The following ZSCAN5A variants were observed in gnomAD, a reference collection of about 807,000 sequenced individuals.
ZSCAN5A encodes the protein zinc finger and SCAN domain-containing protein 5A.
In ZSCAN5A, 12 loss-of-function variants were observed where a neutral mutation model predicts 23.7. That is an observed-to-expected ratio of 0.51 (90% CI 0.32 to 0.82). ZSCAN5A has a LOEUF of 0.82. ZSCAN5A is among the 40% of genes least tolerant of loss of function. The probability of loss-of-function intolerance (pLI) is 0.03; values close to 1 mark genes in which losing one functional copy is unlikely to be tolerated. For synonymous variants in ZSCAN5A, 257 were observed against 239.9 expected, an observed-to-expected ratio of 1.07 and a Z score of -0.66; for missense variants, 597 against 617.9, an observed-to-expected ratio of 0.97 and a Z score of 0.36.
chr19:56,328,360 T>C (rs2041455821), intron 2 of ZSCAN5A, among the ~76,000 whole-genome samples: 1 of 152,102 alleles, frequency 6.6e-6, no homozygotes, highest in Non-Finnish European at 1.5e-5. Context: ...AAAAACATAT[T>C]TGTGGCCAGG....
chr19:56,347,678 A>C (rs1281405760), intron 2 of ZSCAN5A: 1 of 152,318 alleles, frequency 6.6e-6, no homozygotes, highest in African/African-American at 2.4e-5. Context: ...CTTATCCCGT[A>C]ATTCAGTTGA....
At chr19:56,368,130 T>A (rs997507052) in intron 1 of ZSCAN5A, 1 of 152,370 alleles carries the variant, frequency 6.6e-6, no homozygotes, top group African/African-American at 2.4e-5. Flanking sequence ...AACTCACGCC[T>A]ACGTACTCAG....
chr19:56,322,283 G>T, intron 2 of ZSCAN5A: 1 of 1,129,808 alleles, frequency 8.9e-7, no homozygotes. Context: ...AACAAGAATT[G>T]TCCCTTTCAC....
intron 2 of ZSCAN5A, among the ~76,000 whole-genome samples, chr19:56,299,368 A>T (rs1266739746): frequency 6.6e-6 from 1 of 152,046 alleles, no homozygotes; most frequent in Non-Finnish European, 1.5e-5. Flanking sequence ...CCTGGGCCCA[A>T]GTGAGCCTCC....
At chr19:56,295,884 A>G in intron 2 of ZSCAN5A, 1 of 153,442 alleles carries the variant, frequency 6.5e-6, no homozygotes, top group Non-Finnish European at 1.4e-5. Context: ...TGGGAACTCC[A>G]TACTCTGGGC....
At chr19:56,337,007 C>G (rs1310826684) in intron 2 of ZSCAN5A, among the ~76,000 whole-genome samples, 2 of 152,214 alleles carry the variant, frequency 1.3e-5, no homozygotes, top group African/African-American at 4.8e-5. Context: ...GGGGGTGCCT[C>G]CCAGTTAGGC....
intron 2 of ZSCAN5A, among the ~76,000 whole-genome samples, chr19:56,249,018 C>G (rs375775833): frequency 3.9e-5 from 6 of 152,070 alleles, no homozygotes; most frequent in African/African-American, 1.2e-4. Flanking sequence ...CTGCCCCCCC[C>G]GAATCCTCTC....
intron 2 of ZSCAN5A, among the ~76,000 whole-genome samples, chr19:56,328,158 T>C (rs2041453490): frequency 6.6e-6 from 1 of 152,134 alleles, no homozygotes; most frequent in Admixed American, 6.5e-5. Context: ...CTTAGGTGGA[T>C]GGGGATGTTT....
rs144497720 is a variant in ZSCAN5A, at chr19:56,325,918, T to C, written c.-357-9650A>G. On this transcript the variant is annotated intron_variant, in intron 2 of 6. Coordinates refer to the ZSCAN5A transcript ENST00000587340. The stretch of plus-strand genomic sequence containing the variant: ...TATTTAGAGTGTACAATGGGATGTC[T>C]TGATGTATGTATATATTGTGGTTTT... 5.7e-3 allele frequency among the ~76,000 whole-genome samples: 867 copies of C among 152,072 alleles called. 7 individuals are homozygous for C. The highest frequency in any genetic ancestry group is 0.019 in the African/African-American group (783 of 41,484).
At chr19:56,307,704 C>T (rs2040789706) in intron 2 of ZSCAN5A, among the ~76,000 whole-genome samples, 1 of 152,162 alleles carries the variant, frequency 6.6e-6, no homozygotes, top group African/African-American at 2.4e-5. Context: ...TCAGGTAATA[C>T]AATTTTTTCC....
intron 2 of ZSCAN5A, chr19:56,296,371 G>C (rs759605115): frequency 3.9e-5 from 6 of 152,206 alleles, no homozygotes; most frequent in Non-Finnish European, 8.8e-5. Context: ...TGGTAAGTCT[G>C]GTGACTGCTA....
chr19:56,287,989 C>T (rs528025694), intron 2 of ZSCAN5A, among the ~76,000 whole-genome samples: 47 of 152,282 alleles, frequency 3.1e-4, no homozygotes, highest in African/African-American at 1.1e-3. Context: ...AGACCAGGAG[C>T]GTGGGTCTCT....
chr19:56,325,262 T>C (rs564687204), intron 2 of ZSCAN5A, among the ~76,000 whole-genome samples: 79 of 152,346 alleles, frequency 5.2e-4, no homozygotes, highest in African/African-American at 1.8e-3. Context: ...TTAAAGGTAT[T>C]GTGTGTGTGT....
chr19:56,239,937 G>T (rs2035282577), intron 2 of ZSCAN5A, among the ~76,000 whole-genome samples: 1 of 152,108 alleles, frequency 6.6e-6, no homozygotes, highest in Non-Finnish European at 1.5e-5. Flanking sequence ...GCCGAGGTGG[G>T]CAGATCACTA....
upstream of ZSCAN5A, chr19:56,316,368 T>C (rs1203709109): frequency 6.6e-6 from 1 of 152,380 alleles, no homozygotes; most frequent in East Asian, 1.9e-4. Context: ...GACCTCACCC[T>C]ACCCAATGCC....
At chr19:56,297,628 T>C (rs1181805853) in intron 2 of ZSCAN5A, 18 of 727,510 alleles carry the variant, frequency 2.5e-5, no homozygotes, top group Non-Finnish European at 2.8e-5. Flanking sequence ...TTTCAGGTAA[T>C]CAAGGCCCTG....
chr19:56,365,601 C>G (rs565041325), intron 1 of ZSCAN5A: 1 of 152,308 alleles, frequency 6.6e-6, no homozygotes, highest in African/African-American at 2.4e-5. Context: ...AAATAAAAAG[C>G]TGAACAAACT....
intron 2 of ZSCAN5A, among the ~76,000 whole-genome samples, chr19:56,361,814 A>G (rs1009703180): frequency 3.3e-5 from 5 of 152,110 alleles, no homozygotes; most frequent in African/African-American, 1.2e-4. Flanking sequence ...GCACGCATTT[A>G]CCTATGTAAC....
chr19:56,353,681 C>G (rs1424596980), intron 2 of ZSCAN5A, among the ~76,000 whole-genome samples: 4 of 152,016 alleles, frequency 2.6e-5, no homozygotes. Flanking sequence ...ACTCGGAAGG[C>G]TGAGGCAGGA....
Sources: allele counts gnomAD v4.1 joint callset (sites outside exome capture counted in the v4.1 genomes callset), GRCh38; gene constraint gnomAD v4.1.1; transcripts MANE v1.5; gene names NCBI Gene and HGNC (gene_info 2026-07-23, HGNC 2026-07-21).